Variants in TMX4 observed in about 807,000 individuals in gnomAD.
TMX4 encodes thioredoxin-related transmembrane protein 4.
In TMX4, 23 loss-of-function variants were observed where a neutral mutation model predicts 33.3. The observed-to-expected ratio is 0.69, with a 90% CI of 0.50 to 0.98. TMX4 has a LOEUF of 0.98. TMX4 is among the 50% of genes least tolerant of loss of function. The pLI, the probability that TMX4 is intolerant of heterozygous loss-of-function variation, is 0.00. For missense variants in TMX4, 399 were observed against 448.9 expected (o/e 0.89, Z 1.01); for synonymous variants, 164 against 161.5 (o/e 1.02, Z -0.12).
chr20:8,009,394 T>C (rs1308972127), intron 2 of TMX4, among the ~76,000 whole-genome samples: 1 of 152,086 alleles, frequency 6.6e-6, no homozygotes, highest in South Asian at 2.1e-4. Flanking sequence ...CAGTGAAATA[T>C]AATATCTGAT....
intron 4 of TMX4, among the ~76,000 whole-genome samples, chr20:7,997,710 G>A (rs895020637): frequency 6.6e-6 from 1 of 152,222 alleles, no homozygotes; most frequent in African/African-American, 2.4e-5. Context: ...TTGTTCAAGT[G>A]TGCTCTCATG....
At chr20:8,017,099 G>A (rs2050778782) in intron 1 of TMX4, among the ~76,000 whole-genome samples, 1 of 151,250 alleles carries the variant, frequency 6.6e-6, no homozygotes, top group Non-Finnish European at 1.5e-5. Flanking sequence ...TTTAAGTACT[G>A]GAGTTTTTTT....
intron 1 of TMX4, 117 bp downstream of exon 1, chr20:8,019,321 T>C: frequency 8.1e-7 from 1 of 1,231,646 alleles, no homozygotes; most frequent in Non-Finnish European, 1.1e-6. Flanking sequence ...GCAAGCCTGG[T>C]CCGGGGTTTT....
At chr20:8,012,324 G>A (rs2050756257) in intron 1 of TMX4, among the ~76,000 whole-genome samples, 1 of 152,094 alleles carries the variant, frequency 6.6e-6, no homozygotes, top group Non-Finnish European at 1.5e-5. Flanking sequence ...TACGAAGCAG[G>A]CACATATTTA....
chr20:7,983,749 A>C (rs755207936), intron 7 of TMX4, 45 bp downstream of exon 7: 33 of 1,565,014 alleles, frequency 2.1e-5, no homozygotes, highest in Non-Finnish European at 2.8e-5. Context: ...GGCACATCAC[A>C]GAATTCCAAA....
intron 4 of TMX4, among the ~76,000 whole-genome samples, chr20:7,997,275 A>T (rs917748212): frequency 6.6e-6 from 1 of 151,956 alleles, no homozygotes; most frequent in Non-Finnish European, 1.5e-5. Context: ...TGAATTCTTC[A>T]TGGGGACCCA....
chr20:8,008,872 C>A (rs1219841549), intron 2 of TMX4, among the ~76,000 whole-genome samples: 2 of 152,158 alleles, frequency 1.3e-5, no homozygotes, highest in African/African-American at 2.4e-5. Flanking sequence ...ACAATGCTTA[C>A]AAAGATAGAG....
chr20:8,016,035 A>G (rs1056075566), intron 1 of TMX4, among the ~76,000 whole-genome samples: 2 of 152,232 alleles, frequency 1.3e-5, no homozygotes, highest in Admixed American at 1.3e-4. Context: ...CCATGTTTCA[A>G]AAGAACAAAA....
chr20:8,018,902 C>G, intron 1 of TMX4: 1 of 372,854 alleles, frequency 2.7e-6, no homozygotes, highest in South Asian at 2.0e-5. Context: ...GGTCTTCAAA[C>G]GGAAGACTAC....
chr20:8,010,312 G>A lies in TMX4; in HGVS notation c.180C>T (p.Tyr60=), dbSNP rs779377758. ...VMEGEWMLKF[Y]APWCPSCQQT... The stretch of plus-strand genomic sequence containing the variant: ...GCTGGCAGGATGGACACCATGGGGC[G>A]TAACTATAAGAGAAGAATAAGAATT... The change falls in exon 2 of 8, where the codon TAC becomes TAT. Residue 60 remains tyrosine (Y), a synonymous_variant. Coordinates refer to ENST00000246024, the MANE Select transcript of TMX4 (RefSeq NM_021156.4). 16 of 1,600,794 alleles carry A rather than the reference G, an allele frequency of 1.0e-5. No individual in the cohort carries two copies. The highest frequency in any genetic ancestry group is 4.5e-5 in the South Asian group (4 of 89,476).
At chr20:7,998,717 T>C (rs999226298) in intron 4 of TMX4, among the ~76,000 whole-genome samples, 2 of 152,172 alleles carry the variant, frequency 1.3e-5, no homozygotes, top group Admixed American at 1.3e-4. Context: ...GCATATGCCA[T>C]ACCCATTCCT....
intron 6 of TMX4, among the ~76,000 whole-genome samples, chr20:7,985,921 T>C (rs924533213): frequency 3.9e-5 from 6 of 152,248 alleles, no homozygotes; most frequent in Admixed American, 6.5e-5. Context: ...AAAAATAATA[T>C]TCTAAAACTC....
chr20:7,991,585 G>C (rs1431095147), intron 5 of TMX4, among the ~76,000 whole-genome samples: 1 of 152,066 alleles, frequency 6.6e-6, no homozygotes, highest in Non-Finnish European at 1.5e-5. Flanking sequence ...TTTGGATTTG[G>C]GGATGCTCAA....
At chr20:7,983,768 A>G in intron 7 of TMX4, 26 bp downstream of exon 7, 1 of 1,606,484 alleles carries the variant, frequency 6.2e-7, no homozygotes, top group Non-Finnish European at 8.5e-7. Context: ...AAAACACTCT[A>G]GATCACAGGA....
intron 2 of TMX4, among the ~76,000 whole-genome samples, chr20:8,002,270 T>A (rs575051589): frequency 6.6e-6 from 1 of 152,324 alleles, no homozygotes; most frequent in Admixed American, 6.5e-5. Context: ...GAGACTGTGG[T>A]TACCACTCAA....
intron 5 of TMX4, among the ~76,000 whole-genome samples, chr20:7,995,118 T>C (rs1453451237): frequency 6.6e-6 from 1 of 152,148 alleles, no homozygotes; most frequent in Admixed American, 6.6e-5. Context: ...AAAAGGTTTT[T>C]CTTAAATGTC....
chr20:8,003,905 C>T (rs918130346), intron 2 of TMX4, among the ~76,000 whole-genome samples: 1 of 152,054 alleles, frequency 6.6e-6, no homozygotes, highest in African/African-American at 2.4e-5. Flanking sequence ...TTATGTTTGT[C>T]AATATTTCTT....
chr20:7,986,849 G>A (rs1396006556), intron 6 of TMX4, among the ~76,000 whole-genome samples: 1 of 152,066 alleles, frequency 6.6e-6, no homozygotes, highest in Admixed American at 6.6e-5. Context: ...CGGCTAGTCA[G>A]GATTAGTTTA....
chr20:7,987,443 T>A, intron 5 of TMX4, 54 bp from the exon 6 acceptor site: 2 of 1,263,210 alleles, frequency 1.6e-6, no homozygotes, highest in Non-Finnish European at 2.2e-6. Flanking sequence ...ACCAAAAATA[T>A]TTCAATCTCT....
Sources: allele counts gnomAD v4.1 joint callset (sites outside exome capture counted in the v4.1 genomes callset), GRCh38; gene constraint gnomAD v4.1.1; transcripts MANE v1.5; gene names NCBI Gene and HGNC (gene_info 2026-07-23, HGNC 2026-07-21).